Variants in SPNS2 observed in about 807,000 individuals in gnomAD.
SPNS2 encodes sphingosine-1-phosphate transporter SPNS2.
Under a neutral mutation model 57.6 loss-of-function variants are expected in SPNS2, and 37 were observed. That is an observed-to-expected ratio of 0.64 (90% CI 0.49 to 0.85). SPNS2 has a LOEUF of 0.85. SPNS2 is among the 40% of genes least tolerant of loss of function. The pLI is 0.00. For missense variants in SPNS2, 831 were observed against 779.1 expected, an observed-to-expected ratio of 1.07 and a Z score of -0.79; for synonymous variants, 440 against 346.9, an observed-to-expected ratio of 1.27 and a Z score of -2.98.
intron 2 of SPNS2, among the ~76,000 whole-genome samples, chr17:4,522,135 A>G (rs147962622): frequency 0.034 from 5,186 of 152,250 alleles, 102 homozygotes; most frequent in Middle Eastern, 0.058. Flanking sequence ...GGAGGCAGAG[A>G]TTGCAGTGAG....
At position 4,531,041 on chromosome 17, in the gene SPNS2, T is replaced by C; in HGVS notation, c.726-12T>C. On this transcript the variant is annotated splice_polypyrimidine_tract_variant and intron_variant, in intron 4 of 12. Coordinates refer to ENST00000329078, the MANE Select transcript of SPNS2 (RefSeq NM_001124758.3). ...GTCTCTGCTCAGCCTGACGTGTGTC[T>C]CTTCTCTGCAGTGGCCTGGGCTACA... is the stretch of plus-strand genomic sequence containing the variant. 1 of 1,613,884 alleles carries C rather than the reference T, an allele frequency of 6.2e-7. No homozygotes were observed. The highest frequency in any genetic ancestry group is 8.5e-7 in the Non-Finnish European group (1 of 1,179,954).
chr17:4,530,443 C>T (rs1451415806), intron 3 of SPNS2, among the ~76,000 whole-genome samples, 189 bp from the exon 4 acceptor site: 1 of 152,176 alleles, frequency 6.6e-6, no homozygotes, highest in Non-Finnish European at 1.5e-5. Context: ...ACCCACTATA[C>T]AGAGGGGCAA....
chr17:4,530,662 C>G lies in SPNS2; in HGVS notation c.604C>G (p.Leu202Val), dbSNP rs763382606. The G allele has an allele frequency of 6.2e-7, 1 of 1,613,478 alleles. No individual in the cohort carries two copies. Among genetic ancestry groups the G allele is most frequent in the Non-Finnish European group, 8.5e-7 (1 of 1,179,814 alleles). The change falls in exon 4 of 13, where the codon CTG becomes GTG. Residue 202 changes from leucine to valine, a missense_variant. This residue lies in a region of SPNS2 where 305 missense variants were observed against 378.3 expected (regional missense o/e 0.81). Transcript: ENST00000329078. ...YFWLLVLSRG[L>V]VGIGEASYST... is the part of the protein sequence containing the mutation. ...CTGGCTGCTGGTCCTGTCCCGGGGG[C>G]TGGTGGGCATCGGGGAGGCCAGCTA...
At chr17:4,506,398 G>A (rs1172350234) in intron 1 of SPNS2, among the ~76,000 whole-genome samples, 2 of 152,192 alleles carry the variant, frequency 1.3e-5, no homozygotes, top group Non-Finnish European at 2.9e-5. Context: ...TGTGGGTCAC[G>A]ATAAGGCTGT....
chr17:4,533,944 G>GC, intron 9 of SPNS2, 91 bp downstream of exon 9: 8 of 861,710 alleles, frequency 9.3e-6, no homozygotes, highest in Non-Finnish European at 1.3e-5. Flanking sequence ...GAAGGGGCGG[G>GC]AGAGCTGGTA....
intron 12 of SPNS2, 62 bp downstream of exon 12, chr17:4,537,008 C>T (rs1905875168): frequency 6.4e-7 from 1 of 1,566,226 alleles, no homozygotes; most frequent in East Asian, 2.3e-5. Context: ...CAGGGTTAGG[C>T]AACAGGGAGC....
chr17:4,528,954 T>G (rs1206875621), intron 3 of SPNS2, among the ~76,000 whole-genome samples: 1 of 151,520 alleles, frequency 6.6e-6, no homozygotes, highest in African/African-American at 2.4e-5. Context: ...TTTTTTTTTT[T>G]GAAATGGAGT....
chr17:4,537,358 T>C, intron 12 of SPNS2, 95 bp from the exon 13 acceptor site: 1 of 396,290 alleles, frequency 2.5e-6, no homozygotes. Flanking sequence ...GGAGAAGGCT[T>C]GCGTCTCCAA....
At position 4,513,227 on chromosome 17, in the gene SPNS2, A is replaced by G. The variant is rs1211795722; in HGVS notation, c.371-20A>G. 2 of 1,613,110 alleles carry G rather than the reference A, an allele frequency of 1.2e-6. No homozygotes were observed. Among genetic ancestry groups the G allele is most frequent in the South Asian group, 2.2e-5 (2 of 91,072 alleles). On this transcript the variant is annotated intron_variant, in intron 1 of 12. Coordinates refer to ENST00000329078, the MANE Select transcript of SPNS2 (RefSeq NM_001124758.3). ...CAGCCATCAGACTCGGCCAGTGAGC[A>G]CCCTCTGTCTTCCCTCCAGGCGTCC...
At position 4,533,128 on chromosome 17, in the gene SPNS2, A is replaced by C. The variant is rs1905576313; in HGVS notation, c.1087A>C (p.Ser363Arg). 1.9e-6 allele frequency: 3 copies of C among 1,607,876 alleles called. No homozygotes were observed. The highest frequency in any genetic ancestry group is 2.5e-6 in the Non-Finnish European group (3 of 1,176,888). ...CAGCCCGCCCTGTGGGGCCAAGGAC[A>C]GGTGGGGCCCCGCGGGGTGGGCCCA... ...CNSPPCGAKD[S>R]LIFGAITCFT... Residue 363 changes from serine (S) to arginine (R), a missense_variant and splice_region_variant, in exon 7 of 13, where the codon AGC becomes CGC. Ser to Arg is a moderately radical substitution (Grantham distance 110). This residue lies in a region of SPNS2 where 526 missense variants were observed against 400.9 expected (regional missense o/e 1.31). Transcript: ENST00000329078.
At position 4,511,173 on chromosome 17, in the gene SPNS2, G is replaced by T. The variant is rs1230107490; in HGVS notation, c.371-2074G>T. Among the ~76,000 whole-genome samples the T allele has an allele frequency of 6.6e-6, 1 of 152,182 alleles. No homozygotes were observed. The highest frequency in any genetic ancestry group is 1.5e-5 in the Non-Finnish European group (1 of 68,038). ...TTCCCTATAGAACCCACTCATCCTG[G>T]TAGGCCCAGTGCTAAAACGAGTTTG... On this transcript the variant is annotated intron_variant, in intron 1 of 12. Transcript: ENST00000329078. The surrounding 1 kb of genome is among the most constrained non-coding windows in gnomAD (Gnocchi z 4.6).
intron 1 of SPNS2, 59 bp from the exon 2 acceptor site, chr17:4,513,188 G>C (rs1210469635): frequency 1.3e-6 from 2 of 1,586,444 alleles, no homozygotes; most frequent in Non-Finnish European, 1.7e-6. Flanking sequence ...GGCTGGGCTG[G>C]TCTGTGGGGA....
chr17:4,536,773 T>C (rs1391636831), intron 11 of SPNS2, 127 bp from the exon 12 acceptor site: 5 of 771,760 alleles, frequency 6.5e-6, no homozygotes, highest in South Asian at 4.3e-5. Flanking sequence ...CATCTCCCCC[T>C]GGGGCTGACG....
rs1455389709 is a variant in SPNS2 at position 4,513,310 on chromosome 17, C to T, written c.434C>T (p.Ser145Leu). The T allele has an allele frequency of 6.2e-7, 1 of 1,613,822 alleles. No individual in the cohort carries two copies. Among genetic ancestry groups the T allele is most frequent in the Admixed American group, 1.7e-5 (1 of 60,018 alleles). The change falls in exon 2 of 13, where the codon TCA becomes TTA. Residue 145 changes from serine to leucine, a missense_variant and splice_region_variant. Ser to Leu is a moderately radical substitution (Grantham distance 145). Around this residue, in one of 2 missense-constraint regions of SPNS2, gnomAD observed 305 missense variants for 378.3 expected, o/e 0.81. Transcript: ENST00000329078. Reference protein sequence around the residue: ...VKDRGAGLLQSVFICSFMVAA... With the variant: ...VKDRGAGLLQLVFICSFMVAA... ...GACCGAGGCGCCGGCCTGCTGCAGT[C>T]AGGTGAGGCCCACCTCCCACCTTCC...
Position 4,499,463 on chromosome 17 carries a change from T to A in SPNS2, c.370+46T>A, listed in dbSNP as rs1904397840. On this transcript the variant is annotated intron_variant, in intron 1 of 12. Transcript: ENST00000329078. This position sits in a 1 kb window ranked among gnomAD's most constrained non-coding sequence, Gnocchi z 5.2. Reference sequence around the variant, plus strand: ...GCCCGAGGACCAAGACCCCACCCCATCCCACCACCCGCCTCGAGGGAGGTA... The same window carrying A: ...GCCCGAGGACCAAGACCCCACCCCAACCCACCACCCGCCTCGAGGGAGGTA... The A allele has an allele frequency of 8.3e-7, 1 of 1,198,598 alleles. No individual in the cohort carries two copies. The highest frequency in any genetic ancestry group is 1.1e-6 in the Non-Finnish European group (1 of 932,606). 74.2% of individuals were successfully genotyped at this position (1,198,598 alleles called of 1,614,324 possible).
chr17:4,536,348 T>C lies in SPNS2; in HGVS notation c.1529T>C (p.Phe510Ser). The change falls in exon 11 of 13, where the codon TTC (phenylalanine) becomes TCC (serine). Residue 510 changes from phenylalanine (F) to serine (S), a missense_variant. This residue lies in a region of SPNS2 where 526 missense variants were observed against 400.9 expected (regional missense o/e 1.31). Transcript: ENST00000329078. The stretch of plus-strand genomic sequence containing the variant: ...GGCTACGCGCTCATGCTCTGCCCTT[T>C]CGTCGTGGTCCTGGGCGGCATGTTC... Reference protein sequence around the residue: ...SLGYALMLCPFVVVLGGMFFL... With the variant: ...SLGYALMLCPSVVVLGGMFFL... 1.2e-6 allele frequency: 2 copies of C among 1,611,218 alleles called. No homozygotes were observed. The highest frequency in any genetic ancestry group is 1.1e-5 in the South Asian group (1 of 91,084).
intron 2 of SPNS2, among the ~76,000 whole-genome samples, chr17:4,524,484 A>G (rs1348643694): frequency 6.6e-6 from 1 of 152,244 alleles, no homozygotes; most frequent in Admixed American, 6.5e-5. Context: ...CAGGAGTTCA[A>G]GACTAGCCTG....
At chr17:4,525,016 C>T (rs1309060802) in intron 2 of SPNS2, 41 bp from the exon 3 acceptor site, 1 of 1,600,334 alleles carries the variant, frequency 6.2e-7, no homozygotes, top group Non-Finnish European at 8.6e-7. Flanking sequence ...GGCCGGGGCG[C>T]AGGGACCTGG....
At chr17:4,531,847 C>T (rs924065655) in intron 5 of SPNS2, among the ~76,000 whole-genome samples, 19 of 152,108 alleles carry the variant, frequency 1.2e-4, no homozygotes, top group Admixed American at 1.1e-3. Flanking sequence ...AGCCTGGGGC[C>T]TTGGAGGTTC....
Sources: allele counts gnomAD v4.1 joint callset (sites outside exome capture counted in the v4.1 genomes callset), GRCh38; gene constraint gnomAD v4.1.1; regional missense constraint gnomAD v4.1.1; non-coding constraint Gnocchi (gnomAD v3.1); transcripts MANE v1.5; gene names NCBI Gene and HGNC (gene_info 2026-07-23, HGNC 2026-07-21).